The following KDM5C variants were observed in gnomAD, a reference collection of about 807,000 sequenced individuals.
KDM5C encodes lysine-specific demethylase 5C.
KDM5C carries 16 observed loss-of-function variants against 110.6 expected under a neutral mutation model. The observed-to-expected ratio is 0.14, with a 90% CI of 0.10 to 0.22. The LOEUF (loss-of-function observed/expected upper bound fraction) is 0.22. Among genes scored for constraint, KDM5C ranks in the 10% least tolerant of loss-of-function variants. The pLI is 1.00. For missense variants in KDM5C, 681 were observed against 1,300.9 expected (o/e 0.52, Z 7.33); for synonymous variants, 511 against 520.4 (o/e 0.98, Z 0.24).
intron 12 of KDM5C, among the ~76,000 whole-genome samples, chrX:53,209,370 C>A (rs782324814): frequency 9.4e-4 from 104 of 110,887 alleles, no homozygotes; most frequent in African/African-American, 3.3e-3. Context: ...TATCCCAAGT[C>A]CTTGGTTAAA....
chrX:53,210,666 T>TC lies in KDM5C; in HGVS notation c.1583+9dup. The TC allele has an allele frequency of 1.7e-6, 2 of 1,209,633 alleles. No homozygotes were observed. The highest frequency in any genetic ancestry group is 2.2e-6 in the Non-Finnish European group (2 of 893,775). On this transcript the variant is annotated intron_variant, in intron 11 of 25. Coordinates refer to ENST00000375401, the MANE Select transcript of KDM5C (RefSeq NM_004187.5). Reference sequence around the variant, plus strand: ...GACTTGATTCCCTGGCTCCCCAGGGTCCCACTCACCAGTGGAGGTAGTTAA... The same window carrying TC: ...GACTTGATTCCCTGGCTCCCCAGGGTCCCCACTCACCAGTGGAGGTAGTTAA...
chrX:53,207,968 C>CAAA (rs781945536), intron 12 of KDM5C, among the ~76,000 whole-genome samples: 8 of 30,532 alleles, frequency 2.6e-4, no homozygotes, highest in Admixed American at 4.1e-4. Context: ...GACTCTGTCT[C>CAAA]AAAAAAAAAA....
chrX:53,197,756 T>A lies in KDM5C; in HGVS notation c.2622+15A>T. On this transcript the variant is annotated intron_variant, in intron 18 of 25. Coordinates refer to ENST00000375401, the MANE Select transcript of KDM5C (RefSeq NM_004187.5). Reference sequence around the variant, plus strand: ...GGTCCCCTTGATCCCTCATCAGCACTCCAAGCGTCCTCACCTTGACATCCC... The same window carrying A: ...GGTCCCCTTGATCCCTCATCAGCACACCAAGCGTCCTCACCTTGACATCCC... 8.5e-7 allele frequency: 1 copy of A among 1,176,352 alleles called. No homozygotes were observed. The highest frequency in any genetic ancestry group is 1.1e-6 in the Non-Finnish European group (1 of 869,624).
At position 53,192,256 on chromosome X, in the gene KDM5C, C is replaced by CTT; in HGVS notation, c.*709_*710dup. On this transcript the variant is annotated 3_prime_UTR_variant, in exon 26 of 26. Transcript: ENST00000375401. ...AGTTGGAACCAAGTTTCTTGTTTTG[C>CTT]TTTTTTTTTTCTTTTGAACAAATTA... 11 of 163,810 alleles carry CTT rather than the reference C, an allele frequency of 6.7e-5. No individual in the cohort carries two copies. The highest frequency in any genetic ancestry group is 1.1e-4 in the Non-Finnish European group (9 of 85,296). The allele number at this position is 163,810 out of a possible 1,213,427, so 13.5% of individuals were successfully genotyped here. A position where few individuals can be genotyped will look rare whatever the true frequency, so the allele number is the denominator to read the frequency against.
In KDM5C at chrX:53,192,334, G is replaced by A. The variant is rs782751699; in HGVS notation, c.*633C>T. 5.6e-5 allele frequency: 10 copies of A among 178,358 alleles called. No homozygotes were observed. Among genetic ancestry groups the A allele is most frequent in the African/African-American group, 2.4e-4 (8 of 33,573 alleles). 14.7% of individuals were successfully genotyped at this position (178,358 alleles called of 1,213,427 possible). ...ACAACATGAACCCAGGAGGAGGAAA[G>A]GAGACAGGGGAGGACAGGGAGGGAG... On this transcript the variant is annotated 3_prime_UTR_variant, in exon 26 of 26. Coordinates refer to ENST00000375401, the MANE Select transcript of KDM5C (RefSeq NM_004187.5).
chrX:53,218,548 C>T, intron 2 of KDM5C, 150 bp from the exon 3 acceptor site: 2 of 650,103 alleles, frequency 3.1e-6, no homozygotes, highest in Non-Finnish European at 2.5e-6. Flanking sequence ...AGACTCTAGG[C>T]AGTGCTTAGC....
At chrX:53,196,152 G>A (rs1934836521) in intron 19 of KDM5C, 98 bp from the exon 20 acceptor site, 3 of 980,788 alleles carry the variant, frequency 3.1e-6, no homozygotes, top group Admixed American at 2.5e-5. Context: ...CCCCTTGGGT[G>A]TCTGTTATTC....
intron 25 of KDM5C, among the ~76,000 whole-genome samples, chrX:53,183,004 A>C (rs1287612783): frequency 9.0e-6 from 1 of 111,025 alleles, no homozygotes; most frequent in Non-Finnish European, 1.9e-5. Flanking sequence ...ATTTTGAGTT[A>C]ATGGTATCTG....
At position 53,201,937 on chromosome X, in the gene KDM5C, T is replaced by C; in HGVS notation, c.1783A>G (p.Ile595Val). 1 of 1,211,895 alleles carries C rather than the reference T, an allele frequency of 8.3e-7. No homozygotes were observed. Among genetic ancestry groups the C allele is most frequent in the Non-Finnish European group, 1.1e-6 (1 of 895,477 alleles). Reference protein sequence around the residue: ...RTNQCAGEFVITFPRAYHSGF... With the variant: ...RTNQCAGEFVVTFPRAYHSGF... ...CTGTGGTAAGCACGGGGGAAGGTGA[T>C]GACAAACTCTCCTGCACACTGGTTT... is the stretch of plus-strand genomic sequence containing the variant. The change falls in exon 13 of 26, where the codon ATC (isoleucine) becomes GTC (valine). Residue 595 changes from isoleucine (I) to valine (V), a missense_variant. Ile to Val is a conservative substitution (Grantham distance 29). Around this residue, in one of 14 missense-constraint regions of KDM5C, gnomAD observed 41 missense variants for 205.9 expected, o/e 0.20. Coordinates refer to ENST00000375401, the MANE Select transcript of KDM5C (RefSeq NM_004187.5).
intron 1 of KDM5C, among the ~76,000 whole-genome samples, chrX:53,223,793 C>A (rs2073957352): frequency 9.0e-6 from 1 of 111,390 alleles, no homozygotes; most frequent in Non-Finnish European, 1.9e-5. Flanking sequence ...CCCAAGAGTG[C>A]CCTATCCTCT....
intron 25 of KDM5C, 44 bp downstream of exon 25, chrX:53,193,393 A>G (rs1934569005): frequency 8.3e-7 from 1 of 1,210,349 alleles, no homozygotes; most frequent in Non-Finnish European, 1.1e-6. Context: ...TGGGCTCCCT[A>G]CTCGGCCTGA....
At chrX:53,184,511 G>T (rs1014409467) in intron 25 of KDM5C, among the ~76,000 whole-genome samples, 6 of 111,193 alleles carry the variant, frequency 5.4e-5, no homozygotes, top group Non-Finnish European at 1.1e-4. Flanking sequence ...CAAAGTGCTG[G>T]GATCATAAGT....
intron 17 of KDM5C, 151 bp downstream of exon 17, chrX:53,198,339 C>T: frequency 1.4e-6 from 1 of 703,929 alleles, no homozygotes; most frequent in Non-Finnish European, 2.2e-6. Flanking sequence ...CCCCCAACAC[C>T]TTCCAGGCCA....
chrX:53,215,442 T>C (rs2073711999), intron 7 of KDM5C, among the ~76,000 whole-genome samples: 1 of 111,795 alleles, frequency 8.9e-6, no homozygotes, highest in Non-Finnish European at 1.9e-5. Flanking sequence ...AGGAGTTCAG[T>C]GTGGCTATAG....
In KDM5C at chrX:53,192,873, G is replaced by GACCCCCC; in HGVS notation, c.*93_*94insGGGGGGT. 4.3e-6 allele frequency: 1 copy of GACCCCCC among 230,673 alleles called. No individual in the cohort carries two copies. Among genetic ancestry groups the GACCCCCC allele is most frequent in the Non-Finnish European group, 6.3e-6 (1 of 159,372 alleles). The allele number at this position is 230,673 out of a possible 1,213,427, so 19.0% of individuals were successfully genotyped here. A position where few individuals can be genotyped will look rare whatever the true frequency, so the allele number is the denominator to read the frequency against. ...AGCAGGGATGGCCACCCCCCTACCC[G>GACCCCCC]CCCACCCCCCAAGAAGCAGGCTTGA... On this transcript the variant is annotated 3_prime_UTR_variant, in exon 26 of 26. Coordinates refer to ENST00000375401, the MANE Select transcript of KDM5C (RefSeq NM_004187.5).
intron 12 of KDM5C, among the ~76,000 whole-genome samples, chrX:53,209,096 C>T (rs908299591): frequency 1.2e-4 from 13 of 110,974 alleles, no homozygotes; most frequent in Non-Finnish European, 2.3e-4. Flanking sequence ...GGATTACAGG[C>T]GTGAGCCACC....
intron 12 of KDM5C, among the ~76,000 whole-genome samples, chrX:53,208,269 T>C (rs1602203750): frequency 9.2e-6 from 1 of 108,362 alleles, no homozygotes; most frequent in East Asian, 2.9e-4. Flanking sequence ...CCAGAGAAGA[T>C]GATGAGCCAC....
chrX:53,195,041 A>G lies in KDM5C; in HGVS notation c.3328T>C (p.Ser1110Pro). The G allele has an allele frequency of 8.3e-7, 1 of 1,209,092 alleles. No individual in the cohort carries two copies. Among genetic ancestry groups the G allele is most frequent in the Non-Finnish European group, 1.1e-6 (1 of 894,266 alleles). ...EVLCPCADAG[S>P]DSTKRSRWME... ...CACCGGCTGCGCTTGGTGCTGTCTG[A>G]GCCGGCATCTGCACATGGGCAGAGA... Residue 1110 changes from serine (S) to proline (P), a missense_variant, in exon 22 of 26, where the codon TCA (serine) becomes CCA (proline). Around this residue, in one of 14 missense-constraint regions of KDM5C, gnomAD observed 66 missense variants for 162.9 expected, o/e 0.41. Coordinates refer to ENST00000375401, the MANE Select transcript of KDM5C (RefSeq NM_004187.5).
At chrX:53,220,971 CG>C in intron 1 of KDM5C, 55 bp from the exon 2 acceptor site, 2 of 1,039,387 alleles carry the variant, frequency 1.9e-6, no homozygotes, top group Non-Finnish European at 2.7e-6. Context: ...AGTGTAAGAC[CG>C]GAAGTCACCA....
Sources: allele counts gnomAD v4.1 joint callset (sites outside exome capture counted in the v4.1 genomes callset), GRCh38; gene constraint gnomAD v4.1.1; regional missense constraint gnomAD v4.1.1; transcripts MANE v1.5; gene names NCBI Gene and HGNC (gene_info 2026-07-23, HGNC 2026-07-21).